The following MARK3 variants were observed in gnomAD, a reference collection of about 807,000 sequenced individuals.
MARK3 encodes MAP/microtubule affinity-regulating kinase 3.
In MARK3, 46 loss-of-function variants were observed where a neutral mutation model predicts 90.1. The ratio of observed to expected loss-of-function variants is 0.51; its 90% CI spans 0.40 to 0.65. The LOEUF (loss-of-function observed/expected upper bound fraction) is 0.65. MARK3 is among the 30% of genes least tolerant of loss of function. The probability of loss-of-function intolerance (pLI) is 0.00; values close to 1 mark genes in which losing one functional copy is unlikely to be tolerated. For synonymous variants in MARK3, 321 were observed against 332.6 expected, an observed-to-expected ratio of 0.97 and a Z score of 0.38; for missense variants, 818 against 947.2, an observed-to-expected ratio of 0.86 and a Z score of 1.79.
chr14:103,402,562 T>A (rs2091029722), intron 1 of MARK3, among the ~76,000 whole-genome samples: 1 of 151,096 alleles, frequency 6.6e-6, no homozygotes, highest in African/African-American at 2.4e-5. Context: ...AAAAAAGGAT[T>A]TTTCTAAGAT....
chr14:103,492,293 G>A (rs1000879781), intron 15 of MARK3, among the ~76,000 whole-genome samples: 1 of 152,020 alleles, frequency 6.6e-6, no homozygotes, highest in Admixed American at 6.5e-5. Flanking sequence ...TGTTCCTTTT[G>A]CTCACGTATC....
intron 1 of MARK3, among the ~76,000 whole-genome samples, chr14:103,398,635 G>T (rs761881277): frequency 1.3e-5 from 2 of 152,096 alleles, no homozygotes; most frequent in Non-Finnish European, 2.9e-5. Flanking sequence ...AGCCTCTGAA[G>T]GTGCTGGGAT....
chr14:103,491,612 G>A (rs2094017345), intron 14 of MARK3, 165 bp from the exon 15 acceptor site: 5 of 633,222 alleles, frequency 7.9e-6, no homozygotes, highest in Non-Finnish European at 2.7e-6. Flanking sequence ...TGTTCTTTTG[G>A]TACCCTTTCC....
intron 16 of MARK3, 127 bp from the exon 17 acceptor site, chr14:103,500,029 T>C (rs774456265): frequency 4.1e-6 from 3 of 738,960 alleles, no homozygotes; most frequent in Non-Finnish European, 7.2e-6. Context: ...GCCCGGCTGG[T>C]GTTTAAAACG....
At chr14:103,423,157 C>G (rs2092281506) in intron 2 of MARK3, among the ~76,000 whole-genome samples, 1 of 146,714 alleles carries the variant, frequency 6.8e-6, no homozygotes, top group African/African-American at 2.5e-5. Context: ...ATGACTAATG[C>G]ATCATTCTTC....
chr14:103,448,212 C>T (rs2093042924), intron 3 of MARK3, among the ~76,000 whole-genome samples: 1 of 152,132 alleles, frequency 6.6e-6, no homozygotes, highest in Non-Finnish European at 1.5e-5. Flanking sequence ...CAGACCAGCT[C>T]CTTCACAGTG....
intron 10 of MARK3, 27 bp from the exon 11 acceptor site, chr14:103,467,052 A>G: frequency 9.1e-7 from 1 of 1,095,300 alleles, no homozygotes; most frequent in Non-Finnish European, 1.3e-6. Flanking sequence ...AACAAAACAC[A>G]TAAACTGTAT....
chr14:103,463,897 C>G (rs1341985687), intron 7 of MARK3, among the ~76,000 whole-genome samples: 1 of 152,222 alleles, frequency 6.6e-6, no homozygotes, highest in East Asian at 1.9e-4. Context: ...CCAGCCCCCT[C>G]TACACATCTC....
intron 14 of MARK3, 107 bp from the exon 15 acceptor site, chr14:103,491,670 T>G: frequency 8.0e-7 from 1 of 1,243,916 alleles, no homozygotes; most frequent in Non-Finnish European, 1.1e-6. Context: ...ACCCCTTGGA[T>G]CTGGATTTTT....
chr14:103,461,907 A>G lies in MARK3; in HGVS notation c.484-498A>G, dbSNP rs562647897. ...CGAAATTGGCCGGGCATGGTGGTGC[A>G]CACTTGTAATCCCAGCTACTCGGGA... On this transcript the variant is annotated intron_variant, in intron 6 of 17. Coordinates refer to ENST00000429436, the MANE Select transcript of MARK3 (RefSeq NM_001128918.3). 9.9e-5 allele frequency among the ~76,000 whole-genome samples: 15 copies of G among 152,114 alleles called. No individual in the cohort carries two copies. In the South Asian group the frequency reaches 3.1e-3, roughly 32 times the overall value.
chr14:103,401,268 G>A (rs1431130256), intron 1 of MARK3, among the ~76,000 whole-genome samples: 3 of 152,060 alleles, frequency 2.0e-5, no homozygotes, highest in Non-Finnish European at 4.4e-5. Flanking sequence ...AAGAAACATC[G>A]AATTAAATAT....
chr14:103,426,013 T>A (rs2092391294), intron 2 of MARK3, among the ~76,000 whole-genome samples: 1 of 152,224 alleles, frequency 6.6e-6, no homozygotes, highest in African/African-American at 2.4e-5. Context: ...CTCAAAAGTA[T>A]GACATGGGGA....
chr14:103,465,975 C>G lies in MARK3; in HGVS notation c.781C>G (p.Leu261Val). The change falls in exon 9 of 18, where the codon CTG becomes GTG. Residue 261 changes from leucine to valine, a missense_variant. Coordinates refer to ENST00000429436, the MANE Select transcript of MARK3 (RefSeq NM_001128918.3). The part of the protein sequence containing the change: ...LPFDGQNLKE[L>V]RERVLRGKYR... ...TTTCCTCTGTACCTCTCCAAAGGAA[C>G]TGAGAGAGAGAGTATTAAGAGGGAA... 1.2e-6 allele frequency: 2 copies of G among 1,612,334 alleles called. No individual in the cohort carries two copies. The highest frequency in any genetic ancestry group is 1.7e-6 in the Non-Finnish European group (2 of 1,179,466).
At chr14:103,452,009 G>GTTTT in intron 5 of MARK3, 26 bp downstream of exon 5, 2 of 1,509,834 alleles carry the variant, frequency 1.3e-6, no homozygotes, top group Non-Finnish European at 1.8e-6. Context: ...TATATATTGG[G>GTTTT]TTTTTTTTCT....
intron 2 of MARK3, among the ~76,000 whole-genome samples, chr14:103,421,820 A>T (rs1275026925): frequency 6.6e-6 from 1 of 152,184 alleles, no homozygotes; most frequent in Non-Finnish European, 1.5e-5. Flanking sequence ...ATCAGGTGGC[A>T]GGACAGAGAA....
intron 14 of MARK3, among the ~76,000 whole-genome samples, chr14:103,481,199 A>G (rs1395084898): frequency 6.6e-6 from 1 of 152,192 alleles, no homozygotes; most frequent in Non-Finnish European, 1.5e-5. Flanking sequence ...GGGTGGAGAG[A>G]AAAGAGAAGT....
At chr14:103,470,453 C>CTTTTTTTTTTTTTTTTTTTTTTTTTTTTT (rs1555396272) in intron 12 of MARK3, among the ~76,000 whole-genome samples, 2 of 24,220 alleles carry the variant, frequency 8.3e-5, no homozygotes, top group East Asian at 2.5e-3. Flanking sequence ...GGAACTAAAT[C>CTTTTTTTTTTTTTTTTTTTTTTTTTTTTT]TATTTTTTTT....
chr14:103,393,343 A>T (rs1008867016), intron 1 of MARK3, among the ~76,000 whole-genome samples: 6 of 152,184 alleles, frequency 3.9e-5, no homozygotes, highest in African/African-American at 1.4e-4. Context: ...TTTGGGCCTT[A>T]TCAGAAAAAA....
intron 1 of MARK3, among the ~76,000 whole-genome samples, chr14:103,399,698 T>C (rs1474947101): frequency 3.7e-5 from 3 of 80,818 alleles, no homozygotes; most frequent in Non-Finnish European, 6.9e-5. Context: ...AGACTCCATC[T>C]CAAAAAAAAA....
Sources: gnomAD v4.1 joint callset for allele counts (sites outside exome capture counted in the v4.1 genomes callset) on GRCh38, gnomAD v4.1.1 for gene constraint, MANE v1.5 for transcripts, NCBI Gene and HGNC (gene_info 2026-07-23, HGNC 2026-07-21) for gene names.